The following EFR3B variants were observed in gnomAD, a reference collection of about 807,000 sequenced individuals.
EFR3B encodes protein EFR3 homolog B.
EFR3B carries 64 observed loss-of-function variants against 104.7 expected under a neutral mutation model. That is an observed-to-expected ratio of 0.61 (90% CI 0.50 to 0.75). EFR3B has a LOEUF of 0.75. EFR3B is among the 30% of genes least tolerant of loss of function. The pLI is 0.00. For synonymous variants in EFR3B, 385 were observed against 417.9 expected, an observed-to-expected ratio of 0.92 and a Z score of 0.96; for missense variants, 750 against 1,078.5, an observed-to-expected ratio of 0.70 and a Z score of 4.27.
intron 1 of EFR3B, among the ~76,000 whole-genome samples, chr2:25,054,325 C>A (rs1667962520): frequency 6.6e-6 from 1 of 151,672 alleles, no homozygotes; most frequent in South Asian, 2.1e-4. Context: ...GCAAGTAATT[C>A]ATTTTTTTTT....
chr2:25,083,544 G>A (rs566674315), intron 1 of EFR3B, among the ~76,000 whole-genome samples: 1 of 152,086 alleles, frequency 6.6e-6, no homozygotes, highest in African/African-American at 2.4e-5. Flanking sequence ...CCATTGTTGG[G>A]CTGGAAGCTT....
At position 25,080,699 on chromosome 2, in the gene EFR3B, C is replaced by A. The variant is rs1457405647; in HGVS notation, c.8-10626C>A. ...ATGTAGTTGAGATCTGCCTTAGCAG[C>A]GTCTTTGTCATTTTCATCTTCTTGG... On this transcript the variant is annotated intron_variant, in intron 1 of 22. Transcript: ENST00000403714. The A allele has an allele frequency of 9.7e-6, 8 of 828,596 alleles. 1 individual carries two copies. The South Asian group carries it at 1.2e-4, about 12-fold the overall frequency. The allele number at this position is 828,596 out of a possible 1,614,324, so 51.3% of individuals were successfully genotyped here. A position where few individuals can be genotyped will look rare whatever the true frequency, so the allele number is the denominator to read the frequency against.
intron 4 of EFR3B, among the ~76,000 whole-genome samples, chr2:25,110,337 G>A (rs1447847408): frequency 1.3e-5 from 2 of 152,134 alleles, no homozygotes; most frequent in African/African-American, 2.4e-5. Context: ...ACATATGTGC[G>A]TTAGGAGTTT....
In EFR3B at chr2:25,131,620, C is replaced by A. The variant is rs1301600903; in HGVS notation, c.985+117C>A. 1.3e-6 allele frequency: 2 copies of A among 1,497,410 alleles called. No individual in the cohort carries two copies. The highest frequency in any genetic ancestry group is 1.8e-6 in the Non-Finnish European group (2 of 1,117,362). 92.8% of individuals were successfully genotyped at this position (1,497,410 alleles called of 1,614,324 possible). On this transcript the variant is annotated intron_variant, in intron 9 of 22. Coordinates refer to ENST00000403714, the MANE Select transcript of EFR3B (RefSeq NM_014971.2). This position sits in a 1 kb window ranked among gnomAD's most constrained non-coding sequence, Gnocchi z 7.6. ...GAGTCCGTTTTCCTCGGGAGAAGTC[C>A]GCCAGGAAGTTGGGAGCGCAGAGGA... is the stretch of plus-strand genomic sequence containing the variant.
chr2:25,103,093 A>C (rs1247682161), intron 3 of EFR3B, among the ~76,000 whole-genome samples: 4 of 152,188 alleles, frequency 2.6e-5, no homozygotes, highest in African/African-American at 9.6e-5. Context: ...CATCCTTGGA[A>C]ACCTCATGGG....
chr2:25,054,922 A>G (rs1426783686), intron 1 of EFR3B, among the ~76,000 whole-genome samples: 1 of 152,216 alleles, frequency 6.6e-6, no homozygotes, highest in Non-Finnish European at 1.5e-5. Context: ...CTGGAAAGAT[A>G]AGAACATCTC....
chr2:25,116,366 G>A (rs1242271760), intron 4 of EFR3B, among the ~76,000 whole-genome samples: 2 of 152,172 alleles, frequency 1.3e-5, no homozygotes, highest in Non-Finnish European at 2.9e-5. Context: ...GCTCATGCCT[G>A]TAATCCCAGC....
At chr2:25,101,839 AAAG>A (rs149267312) in intron 3 of EFR3B, among the ~76,000 whole-genome samples, 35,897 of 152,058 alleles carry the variant, frequency 0.24, 5,508 homozygotes, top group East Asian at 0.52. Context: ...CCGAAACTGT[AAAG>A]ATTTTAACCA....
rs912626098 is a variant in EFR3B at position 25,131,007 on chromosome 2, C to T, written c.850-361C>T. On this transcript the variant is annotated intron_variant, in intron 8 of 22. Transcript: ENST00000403714. This position sits in a 1 kb window ranked among gnomAD's most constrained non-coding sequence, Gnocchi z 7.6. ...ATATCAGACCTATCTTGAATGGGCA[C>T]CAGCCCAGGGGCCCCACTTTAGGCA... Among the ~76,000 whole-genome samples, 1 of 152,226 alleles carries T rather than the reference C, an allele frequency of 6.6e-6. No homozygotes were observed. Among genetic ancestry groups the T allele is most frequent in the Admixed American group, 6.5e-5 (1 of 15,278 alleles).
At chr2:25,111,139 C>G (rs1193562493) in intron 4 of EFR3B, among the ~76,000 whole-genome samples, 4 of 152,208 alleles carry the variant, frequency 2.6e-5, no homozygotes, top group African/African-American at 4.8e-5. Flanking sequence ...TTTTGGGTTG[C>G]TATACCGGGT....
At chr2:25,098,706 A>G (rs1347940275) in intron 3 of EFR3B, among the ~76,000 whole-genome samples, 2 of 152,212 alleles carry the variant, frequency 1.3e-5, no homozygotes, top group Non-Finnish European at 2.9e-5. Flanking sequence ...GAGATGAGGA[A>G]CAAAGGATCA....
Position 25,143,860 on chromosome 2 carries a change from C to T in EFR3B, c.2048C>T (p.Thr683Ile). ...TGCCTGCCCTACATTCCTCAGCTGA[C>T]AGGTATGAGTTCTGTGCAGGGATGC... is the stretch of plus-strand genomic sequence containing the variant. Reference protein sequence around the residue: ...RLCLPYIPQLTDEDRLSKRRS... With the variant: ...RLCLPYIPQLIDEDRLSKRRS... Residue 683 changes from threonine (T) to isoleucine (I), a missense_variant and splice_region_variant, in exon 18 of 23, where the codon ACA becomes ATA. Transcript: ENST00000403714. 1 of 1,551,506 alleles carries T rather than the reference C, an allele frequency of 6.4e-7. No homozygotes were observed. Among genetic ancestry groups the T allele is most frequent in the Non-Finnish European group, 8.7e-7 (1 of 1,146,886 alleles).
intron 4 of EFR3B, among the ~76,000 whole-genome samples, chr2:25,104,704 G>A (rs938143031): frequency 7.2e-5 from 11 of 152,208 alleles, no homozygotes; most frequent in African/African-American, 9.6e-5. Context: ...GAAAGACCAC[G>A]GGGAAGCAGG....
At chr2:25,129,360 G>A (rs1670264233) in intron 6 of EFR3B, among the ~76,000 whole-genome samples, 1 of 135,802 alleles carries the variant, frequency 7.4e-6, no homozygotes, top group Non-Finnish European at 1.6e-5. Context: ...GGGGCGTGGG[G>A]TGGGGCGTGG....
At chr2:25,121,632 G>A (rs1670017021) in intron 4 of EFR3B, 41 bp from the exon 5 acceptor site, 1 of 1,550,306 alleles carries the variant, frequency 6.5e-7, no homozygotes, top group Admixed American at 2.0e-5. Context: ...AAGCATGGTG[G>A]GTCACCTCTC....
intron 19 of EFR3B, chr2:25,147,114 G>A (rs1670838891): frequency 6.6e-6 from 1 of 152,256 alleles, no homozygotes; most frequent in Admixed American, 6.5e-5. Context: ...TGAACTGTCT[G>A]TTCTCCAGCG....
At chr2:25,151,690 C>T (rs1671014069) in intron 20 of EFR3B, among the ~76,000 whole-genome samples, 1 of 152,222 alleles carries the variant, frequency 6.6e-6, no homozygotes, top group South Asian at 2.1e-4. Flanking sequence ...CCACATAGTT[C>T]TCAAATTCTT....
At position 25,133,016 on chromosome 2, in the gene EFR3B, T is replaced by A. The variant is rs761575250; in HGVS notation, c.1259+2T>A. 6.4e-7 allele frequency: 1 copy of A among 1,550,936 alleles called. No individual in the cohort carries two copies. ...GGCGGTGGACACAGGCAGGACGGGGTGAGCCACCAATCTCCCCCAGCCTGG... is the reference window on the plus strand; with the variant it reads ...GGCGGTGGACACAGGCAGGACGGGGAGAGCCACCAATCTCCCCCAGCCTGG... On this transcript the variant is annotated splice_donor_variant, in intron 11 of 22. Coordinates refer to ENST00000403714, the MANE Select transcript of EFR3B (RefSeq NM_014971.2). LOFTEE classifies it high-confidence loss of function.
chr2:25,154,406 G>T lies in EFR3B; in HGVS notation c.*66G>T. The T allele has an allele frequency of 1.5e-6, 2 of 1,365,200 alleles. No individual in the cohort carries two copies. Among genetic ancestry groups the T allele is most frequent in the South Asian group, 2.6e-5 (2 of 77,932 alleles). The allele number at this position is 1,365,200 out of a possible 1,614,324, so 84.6% of individuals were successfully genotyped here. ...GAGGGGCTCACCTCACGCCCACCCC[G>T]ACCACATGGAGATCTGGCTGTGATC... On this transcript the variant is annotated 3_prime_UTR_variant, in exon 23 of 23. Transcript: ENST00000403714. The surrounding 1 kb of genome is among the most constrained non-coding windows in gnomAD (Gnocchi z 4.1).
Sources: gnomAD v4.1 joint callset for allele counts (sites outside exome capture counted in the v4.1 genomes callset) on GRCh38, gnomAD v4.1.1 for gene constraint, Gnocchi (gnomAD v3.1) non-coding constraint, MANE v1.5 for transcripts, NCBI Gene and HGNC (gene_info 2026-07-23, HGNC 2026-07-21) for gene names.